TTC28: variants seen among roughly 807,000 people sequenced by gnomAD.
TTC28 encodes the protein tetratricopeptide repeat protein 28.
In TTC28, 61 loss-of-function variants were observed where a neutral mutation model predicts 198.0. That is an observed-to-expected ratio of 0.31 (90% CI 0.25 to 0.38). The LOEUF is 0.38. TTC28 is among the 10% of genes least tolerant of loss of function. The probability of loss-of-function intolerance (pLI) is 1.00; values close to 1 mark genes in which losing one functional copy is unlikely to be tolerated. For synonymous variants in TTC28, 1,171 were observed against 1,297.8 expected (o/e 0.90, Z 2.10); for missense variants, 2,678 against 3,164.0 (o/e 0.85, Z 3.69).
intron 2 of TTC28, among the ~76,000 whole-genome samples, chr22:28,307,199 T>A (rs2145811217): frequency 6.6e-6 from 1 of 152,334 alleles, no homozygotes; most frequent in Non-Finnish European, 1.5e-5. Flanking sequence ...ATTACCTATA[T>A]GTGTGCTTTG....
At chr22:28,412,349 T>TGTGGCGG (rs1169385862) in intron 2 of TTC28, among the ~76,000 whole-genome samples, 1 of 150,336 alleles carries the variant, frequency 6.7e-6, no homozygotes, top group Non-Finnish European at 1.5e-5. Flanking sequence ...TCCTCCACTA[T>TGTGGCGG]GTGGCGGGGG....
At chr22:28,012,514 C>A (rs1362176999) in intron 14 of TTC28, among the ~76,000 whole-genome samples, 1 of 152,040 alleles carries the variant, frequency 6.6e-6, no homozygotes, top group Non-Finnish European at 1.5e-5. Context: ...GCTTTATGCA[C>A]CTGTATGTTT....
At chr22:27,990,103 C>CGATGCCAGTGACAGGTG in intron 20 of TTC28, 96 bp from the exon 21 acceptor site, 1 of 1,445,542 alleles carries the variant, frequency 6.9e-7, no homozygotes, top group Non-Finnish European at 9.3e-7. Flanking sequence ...CTGTCACTGG[C>CGATGCCAGTGACAGGTG]ATCGCTAATG....
intron 2 of TTC28, among the ~76,000 whole-genome samples, chr22:28,378,327 C>T (rs1292777430): frequency 3.9e-5 from 5 of 128,684 alleles, no homozygotes; most frequent in Non-Finnish European, 6.3e-5. Context: ...ATCTAGGATA[C>T]AGAGTGAGAC....
At chr22:28,537,778 A>G (rs2049327805) in intron 2 of TTC28, among the ~76,000 whole-genome samples, 1 of 152,180 alleles carries the variant, frequency 6.6e-6, no homozygotes, top group African/African-American at 2.4e-5. Context: ...CAATACATCT[A>G]TATGTTCGCT....
chr22:28,478,274 G>A lies in TTC28; in HGVS notation c.381+151278C>T, dbSNP rs548081729. ...TGTAATCCCAGCACTTTGGAAGGCCGAGGCAAGCGGATCACCTGAGGTCAG... is the reference window on the plus strand; with the variant it reads ...TGTAATCCCAGCACTTTGGAAGGCCAAGGCAAGCGGATCACCTGAGGTCAG... On this transcript the variant is annotated intron_variant, in intron 2 of 22. Transcript: ENST00000397906. Among the ~76,000 whole-genome samples the A allele has an allele frequency of 1.4e-4, 21 of 152,230 alleles. No individual in the cohort carries two copies. The South Asian group carries it at 2.9e-3, about 21-fold the overall frequency.
intron 2 of TTC28, among the ~76,000 whole-genome samples, chr22:28,317,465 G>A (rs1299582952): frequency 6.6e-6 from 1 of 152,188 alleles, no homozygotes; most frequent in Non-Finnish European, 1.5e-5. Context: ...ACATTTTATA[G>A]ACTTTATTCC....
At chr22:28,180,310 GCAC>G (rs112548822) in intron 5 of TTC28, among the ~76,000 whole-genome samples, 8 of 152,106 alleles carry the variant, frequency 5.3e-5, no homozygotes, top group African/African-American at 1.9e-4. Context: ...AAAATTAATT[GCAC>G]CACAATAACC....
intron 5 of TTC28, among the ~76,000 whole-genome samples, chr22:28,171,986 C>T (rs1030235878): frequency 1.3e-5 from 2 of 152,138 alleles, no homozygotes; most frequent in Admixed American, 6.5e-5. Flanking sequence ...CAAATCTTTT[C>T]TTCCTCCTTT....
chr22:28,137,383 T>C (rs1309812766), intron 6 of TTC28, among the ~76,000 whole-genome samples: 1 of 152,162 alleles, frequency 6.6e-6, no homozygotes, highest in East Asian at 1.9e-4. Flanking sequence ...CTGACCTCTC[T>C]CTCTCTGCCT....
At chr22:28,239,723 G>C (rs1929526892) in intron 5 of TTC28, among the ~76,000 whole-genome samples, 1 of 152,008 alleles carries the variant, frequency 6.6e-6, no homozygotes, top group Non-Finnish European at 1.5e-5. Context: ...AGGAAACATT[G>C]ATTAGAAAGG....
At chr22:28,628,133 G>A (rs1302091355) in intron 2 of TTC28, among the ~76,000 whole-genome samples, 1 of 151,108 alleles carries the variant, frequency 6.6e-6, no homozygotes. Context: ...GGGGCTCAAG[G>A]GATCCTCCCA....
At chr22:28,073,060 G>T (rs1386173951) in intron 12 of TTC28, among the ~76,000 whole-genome samples, 1 of 152,230 alleles carries the variant, frequency 6.6e-6, no homozygotes, top group Non-Finnish European at 1.5e-5. Context: ...TGGGAGAAAA[G>T]AAGGGGTGAT....
At chr22:28,071,733 T>TAA (rs368033113) in intron 12 of TTC28, among the ~76,000 whole-genome samples, 9 of 51,994 alleles carry the variant, frequency 1.7e-4, no homozygotes, top group Admixed American at 4.1e-4. Context: ...TAAAGTATAA[T>TAA]AAAAAAAAAA....
chr22:28,439,310 AGAG>A (rs1358102587), intron 2 of TTC28, among the ~76,000 whole-genome samples: 1 of 152,228 alleles, frequency 6.6e-6, no homozygotes, highest in African/African-American at 2.4e-5. Flanking sequence ...CCAAGAATTC[AGAG>A]GTGGGTAAAA....
At position 28,105,420 on chromosome 22, in the gene TTC28, C is replaced by T; in HGVS notation, c.3166G>A (p.Ala1056Thr). ...TYESLGTFERAVVYQEQHLSI... is the reference protein window; with the variant it reads ...TYESLGTFERTVVYQEQHLSI... Reference sequence around the variant, plus strand: ...AAGTGCTGTTCTTGATAGACCACAGCCCTCTCGAAGGTGCCCAGGGATTCA... The same window carrying T: ...AAGTGCTGTTCTTGATAGACCACAGTCCTCTCGAAGGTGCCCAGGGATTCA... The change falls in exon 8 of 23, where the codon GCT (alanine) becomes ACT (threonine). Residue 1056 changes from alanine (A) to threonine (T), a missense_variant. Ala to Thr is a moderately conservative substitution (Grantham distance 58). Transcript: ENST00000397906. 1 of 1,551,738 alleles carries T rather than the reference C, an allele frequency of 6.4e-7. No homozygotes were observed. Among genetic ancestry groups the T allele is most frequent in the South Asian group, 1.2e-5 (1 of 84,052 alleles).
intron 2 of TTC28, among the ~76,000 whole-genome samples, chr22:28,438,797 A>C (rs988532950): frequency 6.6e-6 from 1 of 152,240 alleles, no homozygotes; most frequent in East Asian, 1.9e-4. Context: ...TCTTGACTAA[A>C]GGTAAAAACG....
intron 3 of TTC28, 48 bp downstream of exon 3, chr22:28,306,448 T>G: frequency 1.3e-6 from 2 of 1,521,278 alleles, no homozygotes; most frequent in Non-Finnish European, 1.8e-6. Context: ...AGGCTAGAAA[T>G]GATCTTCTTT....
At chr22:28,148,547 A>G (rs1025908023) in intron 6 of TTC28, among the ~76,000 whole-genome samples, 1 of 151,310 alleles carries the variant, frequency 6.6e-6, no homozygotes, top group African/African-American at 2.4e-5. Flanking sequence ...CGGGAGGTGG[A>G]CCTTGCAGTG....
Sources: allele counts gnomAD v4.1 joint callset (sites outside exome capture counted in the v4.1 genomes callset), GRCh38; gene constraint gnomAD v4.1.1; transcripts MANE v1.5; gene names NCBI Gene and HGNC (gene_info 2026-07-23, HGNC 2026-07-21).